Variants in PLPP7 observed in about 807,000 individuals in gnomAD.
PLPP7 encodes phospholipid phosphatase 7 (inactive).
Under a neutral mutation model 16.9 loss-of-function variants are expected in PLPP7, and 11 were observed. The ratio of observed to expected loss-of-function variants is 0.65; its 90% confidence interval spans 0.41 to 1.08. The LOEUF is 1.08. Among genes scored for constraint, PLPP7 ranks in the 50% least tolerant of loss-of-function variants. The pLI, the probability that PLPP7 is intolerant of heterozygous loss-of-function variation, is 0.00. For synonymous variants in PLPP7, 174 were observed against 175.1 expected (o/e 0.99, Z 0.05); for missense variants, 358 against 397.1 (o/e 0.90, Z 0.84).
intron 1 of PLPP7, among the ~76,000 whole-genome samples, chr9:131,297,127 T>A (rs1835742471): frequency 6.6e-6 from 1 of 152,230 alleles, no homozygotes; most frequent in African/African-American, 2.4e-5. Flanking sequence ...CAGGGCCCCT[T>A]AATACACTGC....
rs1835725799 is a variant in PLPP7 at position 131,295,453 on chromosome 9, TGA to T, written c.451+5006_451+5007del. Among the ~76,000 whole-genome samples the T allele has an allele frequency of 6.6e-6, 1 of 152,130 alleles. No homozygotes were observed. The highest frequency in any genetic ancestry group is 1.5e-5 in the Non-Finnish European group (1 of 67,994). On this transcript the variant is annotated intron_variant, in intron 1 of 1. Transcript: ENST00000372264. The surrounding 1 kb of genome is among the most constrained non-coding windows in gnomAD (Gnocchi z 4.0). ...AGGAGTGAGCCACCACGCCTGGCTA[TGA>T]AAACTACATTTTTATGTCATTTTTT...
chr9:131,290,559 T>C lies in PLPP7; in HGVS notation c.451+111T>C. The C allele has an allele frequency of 2.8e-6, 3 of 1,088,540 alleles. No individual in the cohort carries two copies. In the South Asian group the frequency reaches 5.8e-5, roughly 21 times the overall value. The allele number at this position is 1,088,540 out of a possible 1,614,324, so 67.4% of individuals were successfully genotyped here. On this transcript the variant is annotated intron_variant, in intron 1 of 1. Coordinates refer to ENST00000372264, the MANE Select transcript of PLPP7 (RefSeq NM_032728.4). The surrounding 1 kb of genome is among the most constrained non-coding windows in gnomAD (Gnocchi z 4.2). ...CACAGCCCTCAGAAACCGGCTGGGA[T>C]GGTCTAATGAGGTTAGGCAGGAAGG...
At position 131,308,133 on chromosome 9, in the gene PLPP7, G is replaced by C; in HGVS notation, c.662G>C (p.Trp221Ser). Residue 221 changes from tryptophan (W) to serine (S), a missense_variant, in exon 2 of 2, where the codon TGG becomes TCG. By Grantham distance (177) the Trp-to-Ser change is radical. Transcript: ENST00000372264. ...CCCCTGCGTGTGCTGCTGGTGCTCT[G>C]GGCCCTCTGCGTGGGCCTGTCCCGC... is the stretch of plus-strand genomic sequence containing the variant. ...AVPLRVLLVL[W>S]ALCVGLSRVM... 1 of 1,600,954 alleles carries C rather than the reference G, an allele frequency of 6.2e-7. No individual in the cohort carries two copies. Among genetic ancestry groups the C allele is most frequent in the Non-Finnish European group, 8.5e-7 (1 of 1,179,786 alleles).
intron 1 of PLPP7, among the ~76,000 whole-genome samples, chr9:131,291,745 C>T (rs975622804): frequency 6.6e-6 from 1 of 152,026 alleles, no homozygotes; most frequent in Non-Finnish European, 1.5e-5. Flanking sequence ...CCACACCCAG[C>T]TAATTTTTGT....
intron 1 of PLPP7, among the ~76,000 whole-genome samples, chr9:131,300,743 G>A (rs1835789313): frequency 1.3e-5 from 2 of 150,802 alleles, no homozygotes; most frequent in African/African-American, 4.9e-5. Flanking sequence ...TTAGTTCTTG[G>A]CCTATGGATC....
intron 1 of PLPP7, among the ~76,000 whole-genome samples, chr9:131,300,280 C>G (rs1835782051): frequency 6.6e-6 from 1 of 152,216 alleles, no homozygotes; most frequent in East Asian, 1.9e-4. Flanking sequence ...AAGGGAGAGC[C>G]CTCCTGGCCT....
In PLPP7 at chr9:131,308,138, C is replaced by T. The variant is rs145237839; in HGVS notation, c.667C>T (p.Leu223Phe). 60 of 1,600,838 alleles carry T rather than the reference C, an allele frequency of 3.7e-5. No homozygotes were observed. The highest frequency in any genetic ancestry group is 5.0e-5 in the Non-Finnish European group (59 of 1,179,816). The change falls in exon 2 of 2, where the codon CTC (leucine) becomes TTC (phenylalanine). Residue 223 changes from leucine to phenylalanine, a missense_variant. Leu to Phe is a conservative substitution (Grantham distance 22, BLOSUM62 0). Coordinates refer to ENST00000372264, the MANE Select transcript of PLPP7 (RefSeq NM_032728.4). ...GCGTGTGCTGCTGGTGCTCTGGGCC[C>T]TCTGCGTGGGCCTGTCCCGCGTGAT... is the stretch of plus-strand genomic sequence containing the variant. ...PLRVLLVLWA[L>F]CVGLSRVMIG...
intron 1 of PLPP7, among the ~76,000 whole-genome samples, chr9:131,298,914 A>G (rs932783791): frequency 1.3e-5 from 2 of 152,170 alleles, no homozygotes; most frequent in Non-Finnish European, 2.9e-5. Flanking sequence ...TGCTTCCTGC[A>G]TGGGGGGTTC....
chr9:131,296,276 G>T (rs1835734097), intron 1 of PLPP7, among the ~76,000 whole-genome samples: 1 of 152,052 alleles, frequency 6.6e-6, no homozygotes, highest in South Asian at 2.1e-4. Flanking sequence ...TAGTTTGTTT[G>T]TTTTCTGAGA....
chr9:131,300,653 G>A (rs1835787562), intron 1 of PLPP7, among the ~76,000 whole-genome samples: 1 of 142,236 alleles, frequency 7.0e-6, no homozygotes, highest in Non-Finnish European at 1.5e-5. Context: ...CTGTACTCCA[G>A]CCTGGGCAAC....
At chr9:131,292,897 C>T in intron 1 of PLPP7, 1 of 985,336 alleles carries the variant, frequency 1.0e-6, no homozygotes, top group South Asian at 4.7e-5. Context: ...GCCATGGGCA[C>T]AAAGCTGTTT....
rs1242795463 is a variant in PLPP7 at position 131,295,279 on chromosome 9, G to A, written c.451+4831G>A. Among the ~76,000 whole-genome samples the A allele has an allele frequency of 1.3e-5, 2 of 151,364 alleles. No individual in the cohort carries two copies. Among genetic ancestry groups the A allele is most frequent in the Admixed American group, 6.6e-5 (1 of 15,232 alleles). On this transcript the variant is annotated intron_variant, in intron 1 of 1. Coordinates refer to ENST00000372264, the MANE Select transcript of PLPP7 (RefSeq NM_032728.4). This position sits in a 1 kb window ranked among gnomAD's most constrained non-coding sequence, Gnocchi z 4.0. ...AGTGATTCTCCTGCCTCACCCTCCC[G>A]AGTAGCTGGGATTACAGGTGCCCGC...
intron 1 of PLPP7, among the ~76,000 whole-genome samples, chr9:131,293,257 G>A (rs948660066): frequency 8.6e-5 from 13 of 152,010 alleles, no homozygotes; most frequent in African/African-American, 2.4e-4. Flanking sequence ...CATATCACCC[G>A]TGTTCACTGC....
intron 1 of PLPP7, among the ~76,000 whole-genome samples, chr9:131,304,510 C>A (rs576289917): frequency 6.6e-6 from 1 of 152,162 alleles, no homozygotes; most frequent in Non-Finnish European, 1.5e-5. Context: ...TGTCAGGTAC[C>A]TGTTGTCCTG....
At chr9:131,299,189 T>C (rs564600) in intron 1 of PLPP7, among the ~76,000 whole-genome samples, 101,528 of 152,058 alleles carry the variant, frequency 0.67, 34,875 homozygotes, top group Middle Eastern at 0.79. Flanking sequence ...GGAGCCTGAG[T>C]GCGCCCTGGG....
At chr9:131,296,767 C>T (rs940758668) in intron 1 of PLPP7, among the ~76,000 whole-genome samples, 2 of 152,196 alleles carry the variant, frequency 1.3e-5, no homozygotes, top group Non-Finnish European at 2.9e-5. Context: ...GTGGCCCTCC[C>T]ACCTGGAATC....
Position 131,295,825 on chromosome 9 carries a change from C to A in PLPP7, c.451+5377C>A, listed in dbSNP as rs533570135. Among the ~76,000 whole-genome samples the A allele has an allele frequency of 6.6e-6, 1 of 152,140 alleles. No individual in the cohort carries two copies. The highest frequency in any genetic ancestry group is 2.4e-5 in the African/African-American group (1 of 41,422). On this transcript the variant is annotated intron_variant, in intron 1 of 1. Coordinates refer to ENST00000372264, the MANE Select transcript of PLPP7 (RefSeq NM_032728.4). The surrounding 1 kb of genome is among the most constrained non-coding windows in gnomAD (Gnocchi z 4.0). ...CGAGGTCCATCCATGCTGTAGCGGG[C>A]GCCGGCATTTCCTTCCTCTCTAAGG...
intron 1 of PLPP7, among the ~76,000 whole-genome samples, chr9:131,291,649 T>C (rs1835679789): frequency 6.6e-6 from 1 of 151,378 alleles, no homozygotes. Flanking sequence ...ACTACAACCT[T>C]CAGCTCACTA....
At chr9:131,304,560 G>A (rs940012646) in intron 1 of PLPP7, among the ~76,000 whole-genome samples, 4 of 152,136 alleles carry the variant, frequency 2.6e-5, no homozygotes, top group Admixed American at 6.5e-5. Flanking sequence ...ACTTGAACCC[G>A]GAAGGCGGAG....
Sources: allele counts gnomAD v4.1 joint callset (sites outside exome capture counted in the v4.1 genomes callset), GRCh38; gene constraint gnomAD v4.1.1; non-coding constraint Gnocchi (gnomAD v3.1); transcripts MANE v1.5; gene names NCBI Gene and HGNC (gene_info 2026-07-23, HGNC 2026-07-21).